The following CSNK1G2 variants were observed in gnomAD, a reference collection of about 807,000 sequenced individuals.
CSNK1G2 encodes the protein casein kinase 1 gamma 2.
Under a neutral mutation model 48.0 loss-of-function variants are expected in CSNK1G2, and 11 were observed. The observed-to-expected ratio is 0.23, with a 90% CI of 0.14 to 0.38. The LOEUF (loss-of-function observed/expected upper bound fraction) is 0.38. CSNK1G2 is among the 10% of genes least tolerant of loss of function. CSNK1G2 has a pLI of 1.00. For synonymous variants in CSNK1G2, 337 were observed against 254.1 expected, an observed-to-expected ratio of 1.33 and a Z score of -3.10; for missense variants, 446 against 595.5, an observed-to-expected ratio of 0.75 and a Z score of 2.61.
intron 1 of CSNK1G2, among the ~76,000 whole-genome samples, chr19:1,961,099 C>G (rs2015183911): frequency 6.6e-6 from 1 of 152,238 alleles, no homozygotes; most frequent in African/African-American, 2.4e-5. Context: ...CTGCGGAAGT[C>G]CCCCTGTCCG....
chr19:1,956,632 T>C (rs577886593), intron 1 of CSNK1G2, among the ~76,000 whole-genome samples: 4 of 152,350 alleles, frequency 2.6e-5, no homozygotes, highest in Admixed American at 1.3e-4. Flanking sequence ...GTGGTTGGTG[T>C]TGACCCTCCA....
In CSNK1G2 at chr19:1,979,086, G is replaced by A; in HGVS notation, c.675G>A (p.Leu225=). ...GCTACATGAGCATCAACACGCACCTGGGCAAGGGTGAGCTGCGCGCGCGCG... is the reference window on the plus strand; with the variant it reads ...GCTACATGAGCATCAACACGCACCTAGGCAAGGGTGAGCTGCGCGCGCGCG... ...TARYMSINTH[L]GKEQSRRDDL... The change falls in exon 6 of 12, where the codon CTG becomes CTA. Residue 225 remains leucine (L), a synonymous_variant. Coordinates refer to ENST00000255641, the MANE Select transcript of CSNK1G2 (RefSeq NM_001319.7). The A allele has an allele frequency of 2.5e-6, 4 of 1,598,806 alleles. No homozygotes were observed. Among genetic ancestry groups the A allele is most frequent in the Non-Finnish European group, 3.4e-6 (4 of 1,178,484 alleles).
chr19:1,962,041 A>T (rs531216897), intron 1 of CSNK1G2, among the ~76,000 whole-genome samples: 1 of 152,306 alleles, frequency 6.6e-6, no homozygotes, highest in East Asian at 1.9e-4. Context: ...AATTAAAATT[A>T]CACCCTGGCC....
rs1480207498 is a variant in CSNK1G2 at position 1,959,635 on chromosome 19, G to A, written c.-265-9873G>A. On this transcript the variant is annotated intron_variant, in intron 1 of 11. Coordinates refer to ENST00000255641, the MANE Select transcript of CSNK1G2 (RefSeq NM_001319.7). ...CCCCAGCACCCGTGCCACCTTTAGT[G>A]CCACCGTGGGTCCCCCAGCACCCGC... Among the ~76,000 whole-genome samples, 17 of 129,404 alleles carry A rather than the reference G, an allele frequency of 1.3e-4. 2 individuals are homozygous for A. Among genetic ancestry groups the A allele is most frequent in the Middle Eastern group, 3.9e-3 (1 of 258 alleles). 84.9% of individuals were successfully genotyped at this position (129,404 alleles called of 152,430 possible). A position where few individuals can be genotyped will look rare whatever the true frequency, so the allele number is the denominator to read the frequency against.
At chr19:1,971,755 G>A (rs2015578483) in intron 2 of CSNK1G2, among the ~76,000 whole-genome samples, 2 of 151,454 alleles carry the variant, frequency 1.3e-5, no homozygotes, top group African/African-American at 4.9e-5. Flanking sequence ...GAGTGACGTG[G>A]GTGATGCCAG....
intron 2 of CSNK1G2, chr19:1,975,724 A>G (rs2015730317): frequency 1.0e-6 from 1 of 985,304 alleles, no homozygotes; most frequent in South Asian, 4.7e-5. Context: ...AACCTGGGGC[A>G]GTGTCCTGAG....
chr19:1,952,736 TGA>T (rs1268891016), intron 1 of CSNK1G2: 3 of 285,682 alleles, frequency 1.1e-5, no homozygotes, highest in African/African-American at 7.1e-5. Context: ...GGCCAGGAGC[TGA>T]GTCGTGCGGG....
chr19:1,973,997 C>T (rs751074824), intron 2 of CSNK1G2, among the ~76,000 whole-genome samples: 2 of 152,086 alleles, frequency 1.3e-5, no homozygotes, highest in Non-Finnish European at 2.9e-5. Context: ...AAGCAATTCT[C>T]CTGCCTCAGC....
At chr19:1,976,930 G>A (rs936176070) in intron 2 of CSNK1G2, among the ~76,000 whole-genome samples, 1 of 152,040 alleles carries the variant, frequency 6.6e-6, no homozygotes, top group Admixed American at 6.6e-5. Flanking sequence ...GTAGAGATGG[G>A]GTTTCTCCAT....
chr19:1,958,118 C>T (rs1040598707), intron 1 of CSNK1G2, among the ~76,000 whole-genome samples: 2 of 152,046 alleles, frequency 1.3e-5, no homozygotes, highest in South Asian at 2.1e-4. Context: ...GGTCTGGAGG[C>T]GTTGGAAGCA....
chr19:1,976,522 G>C (rs556532561), intron 2 of CSNK1G2, among the ~76,000 whole-genome samples: 1 of 152,368 alleles, frequency 6.6e-6, no homozygotes, highest in East Asian at 1.9e-4. Flanking sequence ...GTGCTGCAAG[G>C]CACGCCCAGG....
intron 1 of CSNK1G2, among the ~76,000 whole-genome samples, chr19:1,948,839 G>C (rs887652111): frequency 6.6e-6 from 1 of 152,200 alleles, no homozygotes; most frequent in African/African-American, 2.4e-5. Context: ...CACGTGGTCC[G>C]CGCACACATA....
chr19:1,979,118 G>T (rs771483023), intron 6 of CSNK1G2, 25 bp downstream of exon 6: 3 of 1,579,982 alleles, frequency 1.9e-6, no homozygotes, highest in African/African-American at 1.4e-5. Flanking sequence ...CGCGGCGGGG[G>T]GCGGGCGCCC....
At chr19:1,970,062 T>C in intron 2 of CSNK1G2, 103 bp downstream of exon 2, 1 of 959,984 alleles carries the variant, frequency 1.0e-6, no homozygotes, top group Non-Finnish European at 1.4e-6. Context: ...CTGGAGCCTC[T>C]GGCGGGGCCG....
rs992386317 is a variant in CSNK1G2 at position 1,975,521 on chromosome 19, G to A, written c.188-2784G>A. On this transcript the variant is annotated intron_variant, in intron 2 of 11. Transcript: ENST00000255641. ...AAACCCCATCCTCCCTGTGAGCCGC[G>A]GCACAGCACCAGGCGGGCACACGCA... 2.7e-5 allele frequency: 27 copies of A among 985,456 alleles called. 1 individual carries two copies. Among genetic ancestry groups the A allele is most frequent in the East Asian group, 1.1e-4 (1 of 8,816 alleles). The allele number at this position is 985,456 out of a possible 1,614,324, so 61.0% of individuals were successfully genotyped here.
chr19:1,962,613 A>C (rs35232706), intron 1 of CSNK1G2, among the ~76,000 whole-genome samples: 18,828 of 151,980 alleles, frequency 0.12, 1,428 homozygotes, highest in East Asian at 0.2. Flanking sequence ...CAGTGAGCTG[A>C]GATGGTACCA....
At chr19:1,964,783 T>A (rs1333258632) in intron 1 of CSNK1G2, among the ~76,000 whole-genome samples, 10 of 151,536 alleles carry the variant, frequency 6.6e-5, no homozygotes, top group African/African-American at 2.2e-4. Flanking sequence ...TGGAGTGCAG[T>A]GGTGCCATCT....
Position 1,957,747 on chromosome 19 carries a change from T to G in CSNK1G2, c.-265-11761T>G, listed in dbSNP as rs906783190. 6.6e-6 allele frequency among the ~76,000 whole-genome samples: 1 copy of G among 150,706 alleles called. No individual in the cohort carries two copies. The highest frequency in any genetic ancestry group is 1.5e-5 in the Non-Finnish European group (1 of 67,840). On this transcript the variant is annotated intron_variant, in intron 1 of 11. Transcript: ENST00000255641. This position sits in a 1 kb window ranked among gnomAD's most constrained non-coding sequence, Gnocchi z 5.4. ...TGGCGGCATTTGAGCAGCTGCCAGA[T>G]CTCCCCTGGAAACACTGGGGTGTGT...
chr19:1,969,585 T>C lies in CSNK1G2; in HGVS notation c.-188T>C. ...CCCCCGAGAGCGACCCCGAGGCCAC[T>C]GAGAAGAGCAGCGCGGCCTGGCCGG... is the stretch of plus-strand genomic sequence containing the variant. On this transcript the variant is annotated 5_prime_UTR_variant, in exon 2 of 12. An upstream open reading frame in the 5' UTR loses its in-frame stop. Coordinates refer to ENST00000255641, the MANE Select transcript of CSNK1G2 (RefSeq NM_001319.7). The C allele has an allele frequency of 4.6e-6, 2 of 431,486 alleles. No individual in the cohort carries two copies. The highest frequency in any genetic ancestry group is 3.6e-5 in the East Asian group (1 of 27,712). 26.7% of individuals were successfully genotyped at this position (431,486 alleles called of 1,614,324 possible).
Sources: gnomAD v4.1 joint callset for allele counts (sites outside exome capture counted in the v4.1 genomes callset) on GRCh38, gnomAD v4.1.1 for gene constraint, Gnocchi (gnomAD v3.1) non-coding constraint, MANE v1.5 for transcripts, NCBI Gene and HGNC (gene_info 2026-07-23, HGNC 2026-07-21) for gene names.